ANKMY1: variants seen among roughly 807,000 people sequenced by gnomAD.
The protein encoded by ANKMY1 is ankyrin repeat and MYND domain containing 1.
In ANKMY1, 98 loss-of-function variants were observed where a neutral mutation model predicts 102.0. The observed-to-expected ratio is 0.96, with a 90% CI of 0.82 to 1.14. ANKMY1 has a LOEUF of 1.14. ANKMY1 is among the 50% of genes most tolerant of loss of function. The pLI is 0.00. For synonymous variants in ANKMY1, 582 were observed against 559.9 expected, an observed-to-expected ratio of 1.04 and a Z score of -0.56; for missense variants, 1,330 against 1,347.6, an observed-to-expected ratio of 0.99 and a Z score of 0.20.
intron 8 of ANKMY1, 82 bp downstream of exon 8, chr2:240,523,802 AG>A (rs1467143032): frequency 1.5e-5 from 23 of 1,529,338 alleles, no homozygotes; most frequent in Non-Finnish European, 1.4e-5. Context: ...CCACTGGCAC[AG>A]GGAAGAGACG....
intron 15 of ANKMY1, among the ~76,000 whole-genome samples, chr2:240,483,403 C>T (rs1436212811): frequency 6.6e-6 from 1 of 152,164 alleles, no homozygotes; most frequent in African/African-American, 2.4e-5. Context: ...GTGATCCATC[C>T]TCCTCGGCCT....
At chr2:240,500,672 C>T in intron 13 of ANKMY1, 107 bp from the exon 14 acceptor site, 1 of 926,316 alleles carries the variant, frequency 1.1e-6, no homozygotes, top group South Asian at 1.5e-5. Context: ...CCCACCAAGG[C>T]CGCCCTTGCA....
chr2:240,540,092 C>G lies in ANKMY1; in HGVS notation c.481-10583G>C, dbSNP rs114070862. Among the ~76,000 whole-genome samples the G allele has an allele frequency of 9.0e-3, 1,374 of 152,354 alleles. 10 individuals carry two copies. Among genetic ancestry groups the G allele is most frequent in the African/African-American group, 0.031 (1,308 of 41,564 alleles). ...GCTATGTAGCATCCTTAACTTAAAA[C>G]ATTCCTTTGTGCTGACTCCAAGTGT... On this transcript the variant is annotated intron_variant, in intron 4 of 17. Coordinates refer to ENST00000401804, the MANE Select transcript of ANKMY1 (RefSeq NM_001282771.3).
At chr2:240,507,369 C>T (rs1464271736) in intron 13 of ANKMY1, among the ~76,000 whole-genome samples, 191 bp downstream of exon 13, 1 of 147,806 alleles carries the variant, frequency 6.8e-6, no homozygotes, top group Non-Finnish European at 1.5e-5. Flanking sequence ...CCTCCCGCCC[C>T]CCCTCACCAG....
At chr2:240,544,675 G>T (rs977149148) in intron 4 of ANKMY1, among the ~76,000 whole-genome samples, 1 of 151,828 alleles carries the variant, frequency 6.6e-6, no homozygotes, top group Non-Finnish European at 1.5e-5. Context: ...CCGAAGCCGG[G>T]CGAGGCATTG....
rs1410254190 is a variant in ANKMY1, at chr2:240,506,671, T to A, written c.2526+889A>T. On this transcript the variant is annotated intron_variant, in intron 13 of 17. Transcript: ENST00000401804. This position sits in a 1 kb window ranked among gnomAD's most constrained non-coding sequence, Gnocchi z 4.9. Reference sequence around the variant, plus strand: ...GTCTCACCCCCCTCCTCCTTCCCCCTTTTTCTCCCTCAGACAGGTAAGAAC... The same window carrying A: ...GTCTCACCCCCCTCCTCCTTCCCCCATTTTCTCCCTCAGACAGGTAAGAAC... 7.0e-6 allele frequency among the ~76,000 whole-genome samples: 1 copy of A among 142,180 alleles called. No homozygotes were observed. Among genetic ancestry groups the A allele is most frequent in the East Asian group, 2.4e-4 (1 of 4,100 alleles). 93.3% of individuals were successfully genotyped at this position (142,180 alleles called of 152,430 possible).
At chr2:240,484,744 T>C (rs1574873388) in intron 15 of ANKMY1, among the ~76,000 whole-genome samples, 1 of 152,236 alleles carries the variant, frequency 6.6e-6, no homozygotes, top group Non-Finnish European at 1.5e-5. Flanking sequence ...CAAAGGAAAC[T>C]ATCATCAGAG....
the ANKMY1 span, among the ~76,000 whole-genome samples, chr2:240,471,235 C>A: frequency 6.6e-6 from 1 of 151,292 alleles, no homozygotes; most frequent in Non-Finnish European, 1.5e-5. Flanking sequence ...GAAATCACAA[C>A]GCCTCAGGGA....
chr2:240,547,318 A>T (rs2090587101), intron 4 of ANKMY1, among the ~76,000 whole-genome samples: 1 of 152,240 alleles, frequency 6.6e-6, no homozygotes, highest in Non-Finnish European at 1.5e-5. Context: ...AACCAACGAG[A>T]ACAAAGACAT....
At chr2:240,546,433 T>G (rs1232042429) in intron 4 of ANKMY1, among the ~76,000 whole-genome samples, 5 of 152,150 alleles carry the variant, frequency 3.3e-5, no homozygotes, top group Non-Finnish European at 7.3e-5. Context: ...CCATTGAGAC[T>G]AGGAAGAAAC....
At chr2:240,526,696 ATG>A (rs1328681983) in intron 5 of ANKMY1, 16 of 1,401,838 alleles carry the variant, frequency 1.1e-5, no homozygotes, top group Non-Finnish European at 1.5e-5. Context: ...CCCGACAGGA[ATG>A]TGCTGGCTGC....
At chr2:240,513,456 C>T (rs764050018) in intron 9 of ANKMY1, among the ~76,000 whole-genome samples, 2 of 152,256 alleles carry the variant, frequency 1.3e-5, no homozygotes, top group Non-Finnish European at 2.9e-5. Flanking sequence ...CCCTGCCGTC[C>T]TAAGGGAGAG....
chr2:240,500,219 A>T lies in ANKMY1; in HGVS notation c.2641-96T>A. On this transcript the variant is annotated intron_variant, in intron 14 of 17. Coordinates refer to ENST00000401804, the MANE Select transcript of ANKMY1 (RefSeq NM_001282771.3). ...TCGAGGGCTCCTGTCAGCTCTTGTG[A>T]TATATAACTGAGGACGAACCCAGAC... The T allele has an allele frequency of 4.9e-6, 7 of 1,416,044 alleles. No homozygotes were observed. The South Asian group carries it at 9.7e-5, about 20-fold the overall frequency. 87.7% of individuals were successfully genotyped at this position (1,416,044 alleles called of 1,614,324 possible).
chr2:240,512,041 G>A (rs979662716), intron 10 of ANKMY1, 40 bp from the exon 11 acceptor site: 9 of 1,497,508 alleles, frequency 6.0e-6, no homozygotes, highest in African/African-American at 1.5e-5. Flanking sequence ...CCACGGACCT[G>A]CCGTGTGCCC....
At chr2:240,501,103 T>C (rs1368428069) in intron 13 of ANKMY1, among the ~76,000 whole-genome samples, 3 of 150,786 alleles carry the variant, frequency 2.0e-5, no homozygotes, top group Non-Finnish European at 2.9e-5. Flanking sequence ...TGTATGTGGG[T>C]GTGTGGATAT....
At chr2:240,480,812 G>T in intron 17 of ANKMY1, 125 bp downstream of exon 17, 1 of 1,350,264 alleles carries the variant, frequency 7.4e-7, no homozygotes. Flanking sequence ...TGGAAATGTT[G>T]GGAAAGTGGC....
the ANKMY1 span, among the ~76,000 whole-genome samples, chr2:240,469,952 A>G: frequency 6.6e-6 from 1 of 152,226 alleles, no homozygotes; most frequent in African/African-American, 2.4e-5. Context: ...ACATGCATGC[A>G]CATGTGCACA....
intron 4 of ANKMY1, among the ~76,000 whole-genome samples, chr2:240,537,374 G>A (rs956415818): frequency 5.9e-5 from 9 of 152,300 alleles, no homozygotes; most frequent in African/African-American, 2.2e-4. Context: ...AATAGCTCCT[G>A]TGATTTTAAT....
At chr2:240,513,014 A>AC in intron 9 of ANKMY1, 72 bp from the exon 10 acceptor site, 3 of 1,540,404 alleles carry the variant, frequency 1.9e-6, no homozygotes, top group Non-Finnish European at 2.6e-6. Flanking sequence ...TACCTGAGGG[A>AC]CCCAAATGCC....
Sources: allele counts gnomAD v4.1 joint callset (sites outside exome capture counted in the v4.1 genomes callset), GRCh38; gene constraint gnomAD v4.1.1; non-coding constraint Gnocchi (gnomAD v3.1); transcripts MANE v1.5; gene names NCBI Gene and HGNC (gene_info 2026-07-23, HGNC 2026-07-21).